UST: variants seen among roughly 807,000 people sequenced by gnomAD.
The protein encoded by UST is uronyl 2-sulfotransferase, also known as chondroitin sulfate 2-O-sulfotransferase.
Under a neutral mutation model 45.6 loss-of-function variants are expected in UST, and 21 were observed. The observed-to-expected ratio is 0.46, with a 90% CI of 0.33 to 0.66. The LOEUF is 0.66. UST is among the 30% of genes least tolerant of loss of function. The probability of loss-of-function intolerance (pLI) is 0.02; values close to 1 mark genes in which losing one functional copy is unlikely to be tolerated. For synonymous variants in UST, 215 were observed against 200.6 expected, an observed-to-expected ratio of 1.07 and a Z score of -0.61; for missense variants, 463 against 512.4, an observed-to-expected ratio of 0.90 and a Z score of 0.93.
chr6:148,809,321 G>GTT (rs71779192), intron 1 of UST, among the ~76,000 whole-genome samples: 19 of 143,854 alleles, frequency 1.3e-4, no homozygotes, highest in Non-Finnish European at 2.0e-4. Context: ...TTAGTTTTTT[G>GTT]TTTTTTTTTT....
rs535059723 is a variant in UST, at chr6:148,809,979, G to A, written c.247+62302G>A. 4.6e-5 allele frequency among the ~76,000 whole-genome samples: 7 copies of A among 152,326 alleles called. No individual in the cohort carries two copies. In the South Asian group the frequency reaches 1.2e-3, roughly 27 times the overall value. ...ACAGAAAGTTGGTATCAATTTGAGA[G>A]GGAAGGAGTGTTCTCTGCTGGAGGA... On this transcript the variant is annotated intron_variant, in intron 1 of 7. Transcript: ENST00000367463.
chr6:149,072,417 G>T (rs138773158), intron 7 of UST, among the ~76,000 whole-genome samples: 3,150 of 152,306 alleles, frequency 0.021, 115 homozygotes, highest in African/African-American at 0.072. Context: ...ACTTTGGGAG[G>T]CCGAGGCAGG....
chr6:149,027,368 C>T (rs2340802), intron 7 of UST, among the ~76,000 whole-genome samples: 101,504 of 152,076 alleles, frequency 0.67, 34,461 homozygotes, highest in African/African-American at 0.76. Flanking sequence ...TTAGGAGGAA[C>T]TTCTAGTTCT....
intron 1 of UST, among the ~76,000 whole-genome samples, chr6:148,853,799 T>C (rs75335867): frequency 0.019 from 2,929 of 152,324 alleles, 51 homozygotes; most frequent in Non-Finnish European, 0.032. Flanking sequence ...TGTCCACTTT[T>C]TAATGGGGTT....
At chr6:148,979,255 G>A (rs916413961) in intron 5 of UST, among the ~76,000 whole-genome samples, 4 of 152,150 alleles carry the variant, frequency 2.6e-5, no homozygotes, top group African/African-American at 9.7e-5. Flanking sequence ...CAGTTCCTCA[G>A]TGACCACATT....
chr6:148,882,755 T>C (rs1269282610), intron 1 of UST, among the ~76,000 whole-genome samples: 2 of 152,206 alleles, frequency 1.3e-5, no homozygotes, highest in African/African-American at 4.8e-5. Flanking sequence ...TTGACTAATA[T>C]TGCTTTGAGG....
At chr6:148,885,425 C>T (rs1314630369) in intron 1 of UST, among the ~76,000 whole-genome samples, 1 of 152,182 alleles carries the variant, frequency 6.6e-6, no homozygotes, top group Non-Finnish European at 1.5e-5. Context: ...CTAAATCCAA[C>T]ATAGATCTTA....
chr6:149,019,578 G>T (rs1236943362), intron 6 of UST, among the ~76,000 whole-genome samples: 1 of 152,160 alleles, frequency 6.6e-6, no homozygotes, highest in Admixed American at 6.5e-5. Context: ...CACATAAAAT[G>T]TGATCGTGAA....
intron 7 of UST, among the ~76,000 whole-genome samples, chr6:149,072,577 C>G (rs976952295): frequency 6.6e-6 from 1 of 151,366 alleles, no homozygotes; most frequent in African/African-American, 2.4e-5. Context: ...CACTTGAACC[C>G]GGGAGGTAGA....
chr6:148,993,993 A>G, intron 5 of UST, among the ~76,000 whole-genome samples: 1 of 118,886 alleles, frequency 8.4e-6, no homozygotes, highest in Non-Finnish European at 1.6e-5. Context: ...TTGTTGAGAC[A>G]GAATCTCACT....
intron 1 of UST, among the ~76,000 whole-genome samples, chr6:148,759,847 C>CAAAAAAAA (rs71554421): frequency 1.7e-5 from 1 of 59,206 alleles, no homozygotes; most frequent in Non-Finnish European, 2.9e-5. Context: ...GACTCTGTCT[C>CAAAAAAAA]AAAAAAAAAA....
intron 5 of UST, among the ~76,000 whole-genome samples, chr6:148,999,804 A>G (rs1781513915): frequency 7.2e-6 from 1 of 139,190 alleles, no homozygotes; most frequent in Admixed American, 7.0e-5. Context: ...ATTTCCTCTG[A>G]TAGACCTTCC....
intron 1 of UST, among the ~76,000 whole-genome samples, chr6:148,856,080 G>A (rs1282900689): frequency 2.0e-5 from 3 of 152,122 alleles, no homozygotes; most frequent in South Asian, 2.1e-4. Flanking sequence ...GCAGTAACGC[G>A]ATCTTGGCTC....
At chr6:148,775,303 C>T (rs1454109945) in intron 1 of UST, among the ~76,000 whole-genome samples, 1 of 152,050 alleles carries the variant, frequency 6.6e-6, no homozygotes, top group Non-Finnish European at 1.5e-5. Flanking sequence ...AAAAAATGCC[C>T]ACTCCAGTGC....
intron 1 of UST, among the ~76,000 whole-genome samples, chr6:148,862,742 C>A (rs1161845782): frequency 6.6e-6 from 1 of 152,168 alleles, no homozygotes; most frequent in Non-Finnish European, 1.5e-5. Flanking sequence ...AATTTTATTT[C>A]TCCTTCACTT....
intron 5 of UST, among the ~76,000 whole-genome samples, chr6:148,985,697 T>C (rs1426246136): frequency 2.0e-5 from 3 of 152,186 alleles, no homozygotes; most frequent in Non-Finnish European, 4.4e-5. Context: ...TGGTGAGGCA[T>C]GCAGAGGTAT....
At chr6:149,070,800 G>A (rs538281858) in intron 7 of UST, among the ~76,000 whole-genome samples, 5 of 152,054 alleles carry the variant, frequency 3.3e-5, no homozygotes, top group South Asian at 2.1e-4. Context: ...ACAGAGTCTC[G>A]CTCTGTCGCC....
intron 1 of UST, among the ~76,000 whole-genome samples, chr6:148,817,171 T>C (rs1484709648): frequency 6.6e-6 from 1 of 152,256 alleles, no homozygotes; most frequent in African/African-American, 2.4e-5. Flanking sequence ...TTTTTGGTTT[T>C]GGTTTGGCTA....
At chr6:148,802,881 C>T (rs895044762) in intron 1 of UST, among the ~76,000 whole-genome samples, 1 of 152,134 alleles carries the variant, frequency 6.6e-6, no homozygotes, top group African/African-American at 2.4e-5. Context: ...CCCTTGCTAG[C>T]ACAGATTTTG....
Sources: gnomAD v4.1 joint callset for allele counts (sites outside exome capture counted in the v4.1 genomes callset) on GRCh38, gnomAD v4.1.1 for gene constraint, MANE v1.5 for transcripts, NCBI Gene and HGNC (gene_info 2026-07-23, HGNC 2026-07-21) for gene names.